BNIP3L: variants seen among roughly 807,000 people sequenced by gnomAD.
BNIP3L encodes BCL2/adenovirus E1B 19 kDa protein-interacting protein 3-like.
Under a neutral mutation model 25.5 loss-of-function variants are expected in BNIP3L, and 10 were observed. The observed-to-expected ratio is 0.39, with a 90% CI of 0.24 to 0.67. The LOEUF (loss-of-function observed/expected upper bound fraction) is 0.67, where lower values mean the gene tolerates loss of function less well. Ranked by LOEUF, BNIP3L falls within the 30% of genes least tolerant of loss-of-function variation. The pLI is 0.45. For missense variants in BNIP3L, 215 were observed against 270.9 expected, an observed-to-expected ratio of 0.79 and a Z score of 1.45; for synonymous variants, 113 against 101.2, an observed-to-expected ratio of 1.12 and a Z score of -0.70.
At chr8:26,402,858 T>A (rs1375726122) in intron 3 of BNIP3L, among the ~76,000 whole-genome samples, 2 of 152,234 alleles carry the variant, frequency 1.3e-5, no homozygotes, top group Non-Finnish European at 2.9e-5. Flanking sequence ...GCATACGTTT[T>A]TCCCTTAAGA....
rs1806617593 is a variant in BNIP3L, at chr8:26,411,279, A to T, written c.*867A>T. 1 of 152,484 alleles carries T rather than the reference A, an allele frequency of 6.6e-6. No individual in the cohort carries two copies. The highest frequency in any genetic ancestry group is 2.4e-5 in the African/African-American group (1 of 41,390). 9.4% of individuals were successfully genotyped at this position (152,484 alleles called of 1,614,324 possible). ...ATGTGAATTTTTCATGACCTTCTTT[A>T]CATTTTTTATTTTTTATTTCTTTAT... On this transcript the variant is annotated 3_prime_UTR_variant, in exon 6 of 6. Coordinates refer to ENST00000380629, the MANE Select transcript of BNIP3L (RefSeq NM_004331.3).
Position 26,383,084 on chromosome 8 carries a change from G to C in BNIP3L, c.-47G>C, listed in dbSNP as rs766276316. The C allele has an allele frequency of 2.0e-6, 3 of 1,505,120 alleles. No homozygotes were observed. Among genetic ancestry groups the C allele is most frequent in the East Asian group, 4.8e-5 (2 of 41,276 alleles). The allele number at this position is 1,505,120 out of a possible 1,614,324, so 93.2% of individuals were successfully genotyped here. On this transcript the variant is annotated 5_prime_UTR_variant, in exon 1 of 6. Transcript: ENST00000380629. Reference sequence around the variant, plus strand: ...CGGCTTGTTGTGTTGCTGCCTGAGTGCCGGAGACGGTCCTGCTGCTGCCGC... The same window carrying C: ...CGGCTTGTTGTGTTGCTGCCTGAGTCCCGGAGACGGTCCTGCTGCTGCCGC...
Position 26,391,231 on chromosome 8 carries a change from C to A in BNIP3L, c.101-12C>A. On this transcript the variant is annotated splice_polypyrimidine_tract_variant and intron_variant, in intron 1 of 5. Transcript: ENST00000380629. ...GTTCTGCTGTGGTTAACTTATCTGA[C>A]TTGTCCAACAGGTTCCTGGGTGGAG... 6.4e-7 allele frequency: 1 copy of A among 1,569,048 alleles called. No homozygotes were observed. The highest frequency in any genetic ancestry group is 1.8e-5 in the Admixed American group (1 of 54,478).
chr8:26,406,565 A>T (rs1426185164), intron 3 of BNIP3L, among the ~76,000 whole-genome samples: 1 of 152,178 alleles, frequency 6.6e-6, no homozygotes, highest in Non-Finnish European at 1.5e-5. Flanking sequence ...CACACCTGTA[A>T]TCCCAGCACT....
At chr8:26,400,193 C>T (rs1806338076) in intron 3 of BNIP3L, among the ~76,000 whole-genome samples, 1 of 151,978 alleles carries the variant, frequency 6.6e-6, no homozygotes. Flanking sequence ...ACCAAAACAG[C>T]ATGGTACTGG....
In BNIP3L at chr8:26,410,570, A is replaced by G. The variant is rs1806599574; in HGVS notation, c.*158A>G. On this transcript the variant is annotated 3_prime_UTR_variant, in exon 6 of 6. Coordinates refer to ENST00000380629, the MANE Select transcript of BNIP3L (RefSeq NM_004331.3). ...ACTCTCAAATTCAATATTTTATTCA[A>G]ACTCTGTTGAGGCATTTTACTAACC... is the stretch of plus-strand genomic sequence containing the variant. 1.2e-6 allele frequency: 1 copy of G among 856,244 alleles called. No homozygotes were observed. The highest frequency in any genetic ancestry group is 2.2e-5 in the Admixed American group (1 of 46,028). The allele number at this position is 856,244 out of a possible 1,614,324, so 53.0% of individuals were successfully genotyped here. A position where few individuals can be genotyped will look rare whatever the true frequency, so the allele number is the denominator to read the frequency against.
chr8:26,395,409 CTAT>C (rs1385070390), intron 3 of BNIP3L, 107 bp downstream of exon 3: 2 of 1,197,892 alleles, frequency 1.7e-6, no homozygotes, highest in Non-Finnish European at 2.4e-6. Context: ...TAGTTTGAAG[CTAT>C]TATTGAGTTT....
intron 3 of BNIP3L, among the ~76,000 whole-genome samples, chr8:26,407,690 T>A (rs1252369879): frequency 1.3e-5 from 2 of 152,214 alleles, no homozygotes; most frequent in Non-Finnish European, 2.9e-5. Context: ...ATGTAAGTAT[T>A]GCCCAGATTT....
chr8:26,391,158 T>C, intron 1 of BNIP3L, 85 bp from the exon 2 acceptor site: 1 of 1,205,530 alleles, frequency 8.3e-7, no homozygotes, highest in East Asian at 2.6e-5. Context: ...GTCAGAATTC[T>C]TATCTGGATT....
At chr8:26,400,238 C>CAG (rs1163698188) in intron 3 of BNIP3L, among the ~76,000 whole-genome samples, 1 of 151,604 alleles carries the variant, frequency 6.6e-6, no homozygotes, top group African/African-American at 2.4e-5. Flanking sequence ...TGGAACAGAA[C>CAG]AGAGCCCTCA....
At chr8:26,406,507 T>G (rs1408941515) in intron 3 of BNIP3L, among the ~76,000 whole-genome samples, 1 of 152,114 alleles carries the variant, frequency 6.6e-6, no homozygotes, top group Non-Finnish European at 1.5e-5. Flanking sequence ...TTTATAGGGT[T>G]ATTTGTTGCA....
intron 1 of BNIP3L, among the ~76,000 whole-genome samples, chr8:26,387,432 T>C (rs1563337272): frequency 6.6e-6 from 1 of 152,210 alleles, no homozygotes; most frequent in Non-Finnish European, 1.5e-5. Flanking sequence ...AGGAGGAGAA[T>C]TCACTCTGTG....
chr8:26,400,101 C>T (rs1374936605), intron 3 of BNIP3L, among the ~76,000 whole-genome samples: 33 of 149,988 alleles, frequency 2.2e-4, no homozygotes, highest in Non-Finnish European at 3.6e-4. Context: ...GAGCCTGCAT[C>T]GCCAAGTCAA....
At chr8:26,391,184 T>C (rs1439183534) in intron 1 of BNIP3L, 59 bp from the exon 2 acceptor site, 7 of 1,401,584 alleles carry the variant, frequency 5.0e-6, no homozygotes, top group Non-Finnish European at 6.8e-6. Context: ...TGTTCACATC[T>C]GTGTGCACAT....
intron 1 of BNIP3L, among the ~76,000 whole-genome samples, chr8:26,384,464 C>T (rs183879385): frequency 6.6e-6 from 1 of 152,258 alleles, no homozygotes; most frequent in Non-Finnish European, 1.5e-5. Flanking sequence ...TATATTATTT[C>T]CCACAGTAAA....
intron 3 of BNIP3L, 125 bp downstream of exon 3, chr8:26,395,427 T>G: frequency 9.4e-7 from 1 of 1,066,522 alleles, no homozygotes; most frequent in Non-Finnish European, 1.3e-6. Context: ...GAGTTTCTGA[T>G]TTTGGAATTT....
chr8:26,404,998 A>G (rs568024901), intron 3 of BNIP3L, among the ~76,000 whole-genome samples: 2 of 152,334 alleles, frequency 1.3e-5, no homozygotes, highest in South Asian at 4.1e-4. Context: ...GAATGAGGAA[A>G]GCTTACCACT....
intron 1 of BNIP3L, among the ~76,000 whole-genome samples, chr8:26,384,834 A>T (rs1167345131): frequency 2.0e-5 from 3 of 147,860 alleles, no homozygotes; most frequent in Non-Finnish European, 4.4e-5. Flanking sequence ...AGTAGCTGGG[A>T]CTACAGGTGC....
At chr8:26,409,008 C>A (rs1806562702) in intron 5 of BNIP3L, among the ~76,000 whole-genome samples, 1 of 151,310 alleles carries the variant, frequency 6.6e-6, no homozygotes, top group Non-Finnish European at 1.5e-5. Flanking sequence ...ATGAACTAAA[C>A]TAATCTTTAG....
Sources: gnomAD v4.1 joint callset for allele counts (sites outside exome capture counted in the v4.1 genomes callset) on GRCh38, gnomAD v4.1.1 for gene constraint, MANE v1.5 for transcripts, NCBI Gene and HGNC (gene_info 2026-07-23, HGNC 2026-07-21) for gene names.